The following TBC1D5 variants were observed in gnomAD, a reference collection of about 807,000 sequenced individuals.
TBC1D5 encodes the protein TBC1 domain family, member 5.
A neutral mutation model predicts 100.3 loss-of-function variants in TBC1D5; 75 were observed. The ratio of observed to expected loss-of-function variants is 0.75; its 90% CI spans 0.62 to 0.91. The LOEUF (loss-of-function observed/expected upper bound fraction) is 0.91, where lower values mean the gene tolerates loss of function less well. Among genes scored for constraint, TBC1D5 ranks in the 40% least tolerant of loss-of-function variants. The probability of loss-of-function intolerance (pLI) is 0.00; values close to 1 mark genes in which losing one functional copy is unlikely to be tolerated. For synonymous variants in TBC1D5, 323 were observed against 325.6 expected (o/e 0.99, Z 0.09); for missense variants, 910 against 942.4 (o/e 0.97, Z 0.45).
At chr3:17,220,391 C>G (rs1490450363) in intron 17 of TBC1D5, among the ~76,000 whole-genome samples, 2 of 152,044 alleles carry the variant, frequency 1.3e-5, no homozygotes, top group Non-Finnish European at 2.9e-5. Flanking sequence ...TTAAAGTTTC[C>G]TGATAACTAG....
rs193122484 is a variant in TBC1D5 at position 17,506,946 on chromosome 3, G to A, written c.97+1528C>T. On this transcript the variant is annotated intron_variant, in intron 3 of 21. Transcript: ENST00000253692. The stretch of plus-strand genomic sequence containing the variant: ...CAGGAGAATGGCGTGAACCCGGGAG[G>A]CACAGCTTGCAGTGAGCCGAGATTG... Among the ~76,000 whole-genome samples, 155 of 152,220 alleles carry A rather than the reference G, an allele frequency of 1.0e-3. 2 individuals carry two copies. In the South Asian group the frequency reaches 0.018, roughly 18 times the overall value.
At chr3:17,345,139 A>C (rs1431587303) in intron 13 of TBC1D5, among the ~76,000 whole-genome samples, 1 of 151,970 alleles carries the variant, frequency 6.6e-6, no homozygotes, top group African/African-American at 2.4e-5. Context: ...GGCAACCTAC[A>C]AAATGGGAGA....
intron 21 of TBC1D5, among the ~76,000 whole-genome samples, chr3:17,162,094 C>G (rs558473635): frequency 1.1e-4 from 17 of 152,184 alleles, no homozygotes; most frequent in Non-Finnish European, 2.2e-4. Context: ...AAAGTTCGAC[C>G]AAGGACATCC....
At chr3:17,530,341 TG>T (rs2096204436) in intron 2 of TBC1D5, among the ~76,000 whole-genome samples, 1 of 149,184 alleles carries the variant, frequency 6.7e-6, no homozygotes, top group Non-Finnish European at 1.5e-5. Context: ...AAAATATCGA[TG>T]GGGGGTTGGG....
chr3:17,159,180 C>CTA (rs1389254748), exon 22 of TBC1D5: 2 of 58,520 alleles, frequency 3.4e-5, no homozygotes, highest in African/African-American at 2.3e-4. Context: ...TCTGGCAAAA[C>CTA]CAGTTATTAT....
At chr3:17,286,029 C>T (rs1284050001) in intron 15 of TBC1D5, among the ~76,000 whole-genome samples, 1 of 152,054 alleles carries the variant, frequency 6.6e-6, no homozygotes, top group Non-Finnish European at 1.5e-5. Flanking sequence ...ATATTTTTTC[C>T]CAAATATTCT....
At chr3:17,256,661 CAG>C (rs2077718878) in intron 16 of TBC1D5, among the ~76,000 whole-genome samples, 1 of 151,982 alleles carries the variant, frequency 6.6e-6, no homozygotes, top group Admixed American at 6.6e-5. Context: ...TTCCCTATAC[CAG>C]TCATCATTGT....
chr3:17,497,385 C>T (rs2095726288), intron 3 of TBC1D5, among the ~76,000 whole-genome samples: 1 of 152,180 alleles, frequency 6.6e-6, no homozygotes, highest in African/African-American at 2.4e-5. Context: ...AAGTGGTCTA[C>T]TTTTTCAATA....
At chr3:17,481,843 C>A (rs904117759) in intron 3 of TBC1D5, among the ~76,000 whole-genome samples, 13 of 152,250 alleles carry the variant, frequency 8.5e-5, no homozygotes, top group Admixed American at 5.2e-4. Context: ...CAGGTTCAAG[C>A]GATTCTCCTG....
chr3:17,392,266 A>G (rs2093372160), intron 8 of TBC1D5, among the ~76,000 whole-genome samples: 1 of 152,068 alleles, frequency 6.6e-6, no homozygotes, highest in South Asian at 2.1e-4. Flanking sequence ...TAAGTAATCA[A>G]TGATAGTTAC....
chr3:17,407,606 G>A (rs1035150882), intron 4 of TBC1D5, among the ~76,000 whole-genome samples: 1 of 152,098 alleles, frequency 6.6e-6, no homozygotes, highest in African/African-American at 2.4e-5. Flanking sequence ...TGCATACTAT[G>A]CTTAGAGTAA....
At chr3:17,585,757 T>G (rs995062185) in intron 2 of TBC1D5, among the ~76,000 whole-genome samples, 1 of 152,156 alleles carries the variant, frequency 6.6e-6, no homozygotes, top group African/African-American at 2.4e-5. Flanking sequence ...TAATATAATA[T>G]AGCATACAGC....
chr3:17,688,987 T>C (rs2070716196), intron 1 of TBC1D5, among the ~76,000 whole-genome samples: 1 of 152,228 alleles, frequency 6.6e-6, no homozygotes, highest in South Asian at 2.1e-4. Flanking sequence ...ACACAGAGAA[T>C]TGTTATATTG....
intron 12 of TBC1D5, among the ~76,000 whole-genome samples, chr3:17,372,847 C>T (rs2092535246): frequency 1.3e-5 from 2 of 152,122 alleles, no homozygotes; most frequent in Admixed American, 1.3e-4. Context: ...TTCTACAACC[C>T]TTTTAGAATA....
At chr3:17,289,004 G>T (rs2081440009) in intron 15 of TBC1D5, among the ~76,000 whole-genome samples, 1 of 152,222 alleles carries the variant, frequency 6.6e-6, no homozygotes. Context: ...AGGACTAAAT[G>T]AGCTCATCAG....
intron 17 of TBC1D5, among the ~76,000 whole-genome samples, chr3:17,215,023 G>A (rs550315888): frequency 6.6e-6 from 1 of 152,126 alleles, no homozygotes; most frequent in South Asian, 2.1e-4. Flanking sequence ...GGTGAGAGAT[G>A]AGGTTTGAGA....
At chr3:17,741,477 CACA>C (rs1465080832), upstream of TBC1D5, among the ~76,000 whole-genome samples, 1 of 152,182 alleles carries the variant, frequency 6.6e-6, no homozygotes, top group Non-Finnish European at 1.5e-5. Context: ...TGTGCAAGAG[CACA>C]ACACTTATAA....
chr3:17,518,907 C>G (rs768273932), intron 2 of TBC1D5: 4 of 152,366 alleles, frequency 2.6e-5, no homozygotes, highest in Admixed American at 6.5e-5. Flanking sequence ...CTCACCTGCG[C>G]GCTCCCTCCC....
intron 13 of TBC1D5, among the ~76,000 whole-genome samples, chr3:17,310,602 C>G (rs1354727437): frequency 4.6e-5 from 7 of 151,992 alleles, no homozygotes; most frequent in Non-Finnish European, 8.8e-5. Flanking sequence ...CACTGTAAAG[C>G]CACCTTTACT....
Sources: gnomAD v4.1 joint callset for allele counts (sites outside exome capture counted in the v4.1 genomes callset) on GRCh38, gnomAD v4.1.1 for gene constraint, MANE v1.5 for transcripts, NCBI Gene and HGNC (gene_info 2026-07-23, HGNC 2026-07-21) for gene names.